Variants in HNF1B observed in about 807,000 individuals in gnomAD.
The protein encoded by HNF1B is hepatocyte nuclear factor 1-beta.
HNF1B carries 8 observed loss-of-function variants against 61.7 expected under a neutral mutation model. The observed-to-expected ratio is 0.13, with a 90% CI of 0.08 to 0.23. The LOEUF is 0.23. Among genes scored for constraint, HNF1B ranks in the 10% least tolerant of loss-of-function variants. HNF1B has a pLI of 1.00. For missense variants in HNF1B, 562 were observed against 714.5 expected (o/e 0.79, Z 2.43); for synonymous variants, 314 against 287.7 (o/e 1.09, Z -0.93).
At chr17:37,709,841 G>A (rs780992317) in intron 5 of HNF1B, among the ~76,000 whole-genome samples, 8 of 152,200 alleles carry the variant, frequency 5.3e-5, no homozygotes, top group Non-Finnish European at 7.4e-5. Flanking sequence ...ATAAGTAGTC[G>A]AGTAACCTGC....
chr17:37,743,227 G>C (rs2034054373), intron 1 of HNF1B, among the ~76,000 whole-genome samples: 2 of 152,106 alleles, frequency 1.3e-5, no homozygotes, highest in African/African-American at 2.4e-5. Flanking sequence ...GCCAGGTCCT[G>C]AGCGACCTCC....
chr17:37,731,379 G>C lies in HNF1B; in HGVS notation c.1045+216C>G. ...GGGTAAAGGGCTCCCTGGAAGCCGA[G>C]TGAGCCCTCACAGGGCAATGGCTGA... On this transcript the variant is annotated intron_variant, in intron 4 of 8. Transcript: ENST00000617811. 3 of 671,870 alleles carry C rather than the reference G, an allele frequency of 4.5e-6. No homozygotes were observed. The Admixed American group carries it at 6.4e-5, about 14-fold the overall frequency. 41.6% of individuals were successfully genotyped at this position (671,870 alleles called of 1,614,324 possible).
Position 37,700,903 on chromosome 17 carries a change from A to G in HNF1B, c.1534+80T>C, listed in dbSNP as rs1009216092. 1.0e-5 allele frequency: 14 copies of G among 1,336,620 alleles called. No individual in the cohort carries two copies. The African/African-American group carries it at 2.0e-4, about 19-fold the overall frequency. The allele number at this position is 1,336,620 out of a possible 1,614,324, so 82.8% of individuals were successfully genotyped here. On this transcript the variant is annotated intron_variant, in intron 7 of 8. Transcript: ENST00000617811. Reference sequence around the variant, plus strand: ...TGACCAAGCCAATAAACTTCCGAGAAAGTTCAGACCCAGAGAGGGAAAGTG... The same window carrying G: ...TGACCAAGCCAATAAACTTCCGAGAGAGTTCAGACCCAGAGAGGGAAAGTG...
At chr17:37,735,041 C>T (rs1012814617) in intron 2 of HNF1B, among the ~76,000 whole-genome samples, 5 of 152,256 alleles carry the variant, frequency 3.3e-5, no homozygotes, top group East Asian at 1.9e-4. Flanking sequence ...CCACCTGCCT[C>T]AGCCTCCCAA....
intron 8 of HNF1B, among the ~76,000 whole-genome samples, chr17:37,694,225 C>T (rs1349206658): frequency 6.6e-6 from 1 of 151,982 alleles, no homozygotes; most frequent in Non-Finnish European, 1.5e-5. Flanking sequence ...GTCAGGAGTT[C>T]GAGACCAGCC....
At chr17:37,689,721 G>A (rs1377664323) in intron 8 of HNF1B, among the ~76,000 whole-genome samples, 5 of 152,202 alleles carry the variant, frequency 3.3e-5, no homozygotes, top group African/African-American at 9.7e-5. Context: ...CTTATTCTAA[G>A]AGGATTTGTT....
intron 3 of HNF1B, among the ~76,000 whole-genome samples, chr17:37,732,097 CGAG>C (rs780450862): frequency 2.6e-5 from 4 of 152,018 alleles, no homozygotes; most frequent in African/African-American, 4.8e-5. Context: ...GTGTGGCTCT[CGAG>C]GAGAAGAGAG....
intron 6 of HNF1B, 117 bp from the exon 7 acceptor site, chr17:37,701,294 G>A: frequency 1.1e-6 from 1 of 946,104 alleles, no homozygotes; most frequent in East Asian, 2.6e-5. Context: ...CTGTTACATA[G>A]GAGATTCCAT....
Position 37,731,849 on chromosome 17 carries a change from G to C in HNF1B, c.810-19C>G. 1 of 1,400,286 alleles carries C rather than the reference G, an allele frequency of 7.1e-7. No individual in the cohort carries two copies. Among genetic ancestry groups the C allele is most frequent in the Non-Finnish European group, 1.0e-6 (1 of 989,396 alleles). 86.7% of individuals were successfully genotyped at this position (1,400,286 alleles called of 1,614,324 possible). On this transcript the variant is annotated intron_variant, in intron 3 of 8. Coordinates refer to ENST00000617811, the MANE Select transcript of HNF1B (RefSeq NM_000458.4). Reference sequence around the variant, plus strand: ...TTCTGCCCTGGGAATGGATGGAGGGGAGATGGTGAGTGAGGGGGGGCGGGG... The same window carrying C: ...TTCTGCCCTGGGAATGGATGGAGGGCAGATGGTGAGTGAGGGGGGGCGGGG...
chr17:37,695,392 A>G (rs2032350473), intron 8 of HNF1B, among the ~76,000 whole-genome samples: 1 of 152,260 alleles, frequency 6.6e-6, no homozygotes, highest in Non-Finnish European at 1.5e-5. Context: ...GTGCCCAGGC[A>G]GAAGCTTGCT....
At chr17:37,695,782 C>T (rs935026578) in intron 8 of HNF1B, among the ~76,000 whole-genome samples, 5 of 152,282 alleles carry the variant, frequency 3.3e-5, no homozygotes, top group South Asian at 2.1e-4. Context: ...GGGATGGGAA[C>T]GTCTGCCCAA....
chr17:37,725,397 T>C (rs185282207), intron 4 of HNF1B, among the ~76,000 whole-genome samples: 2 of 152,350 alleles, frequency 1.3e-5, no homozygotes, highest in Admixed American at 1.3e-4. Context: ...AGACCAGGGC[T>C]GGTCCCCTAT....
chr17:37,721,621 G>A (rs1032052535), intron 4 of HNF1B, among the ~76,000 whole-genome samples: 8 of 151,860 alleles, frequency 5.3e-5, no homozygotes, highest in Admixed American at 4.6e-4. Flanking sequence ...TCCCATTTCA[G>A]CAAGGGGCCA....
intron 1 of HNF1B, among the ~76,000 whole-genome samples, chr17:37,743,870 C>A (rs2034079252): frequency 6.6e-6 from 1 of 152,370 alleles, no homozygotes; most frequent in East Asian, 1.9e-4. Context: ...CGCCCCCACA[C>A]CACCGCGCTT....
chr17:37,709,033 G>A (rs901637819), intron 5 of HNF1B, among the ~76,000 whole-genome samples: 2 of 152,134 alleles, frequency 1.3e-5, no homozygotes, highest in Non-Finnish European at 2.9e-5. Context: ...CTCTGGGAAT[G>A]TGTGCAGCTC....
intron 3 of HNF1B, among the ~76,000 whole-genome samples, chr17:37,732,849 G>T (rs1436030280): frequency 5.4e-5 from 8 of 148,628 alleles, no homozygotes; most frequent in Admixed American, 2.0e-4. Context: ...TTGTTTTTTT[G>T]TTTTTTTTTT....
At chr17:37,737,595 A>AGGC (rs2033868126) in intron 2 of HNF1B, among the ~76,000 whole-genome samples, 1 of 151,934 alleles carries the variant, frequency 6.6e-6, no homozygotes. Flanking sequence ...TGGGAGGCTG[A>AGGC]GGCGGCGGAT....
intron 8 of HNF1B, among the ~76,000 whole-genome samples, chr17:37,691,470 G>A (rs865837107): frequency 1.3e-5 from 2 of 152,058 alleles, no homozygotes; most frequent in Non-Finnish European, 2.9e-5. Context: ...CCCTCAACAC[G>A]GGGAAATAAA....
chr17:37,739,694 A>G (rs2033935587), intron 1 of HNF1B, 55 bp from the exon 2 acceptor site: 2 of 1,437,840 alleles, frequency 1.4e-6, no homozygotes, highest in Middle Eastern at 1.7e-4. Flanking sequence ...GGGGAGAAAC[A>G]TTCTTTTTCT....
Sources: allele counts gnomAD v4.1 joint callset (sites outside exome capture counted in the v4.1 genomes callset), GRCh38; gene constraint gnomAD v4.1.1; transcripts MANE v1.5; gene names NCBI Gene and HGNC (gene_info 2026-07-23, HGNC 2026-07-21).